CIMIP2C: variants seen among roughly 807,000 people sequenced by gnomAD.
The protein encoded by CIMIP2C is ciliary microtubule inner protein 2C, also known as UPF0573 protein C2orf70.
the CIMIP2C span, among the ~76,000 whole-genome samples, chr2:26,567,434 G>A: frequency 3.3e-5 from 5 of 152,228 alleles, no homozygotes; most frequent in East Asian, 9.6e-4. Flanking sequence ...CCCCAACCCT[G>A]CAGAACTATT....
the CIMIP2C span, among the ~76,000 whole-genome samples, chr2:26,576,421 C>T: frequency 3.3e-5 from 5 of 152,214 alleles, no homozygotes; most frequent in East Asian, 9.6e-4. Flanking sequence ...AACTCCTGCT[C>T]ACTCCCACTG....
At chr2:26,576,233 G>A in the CIMIP2C span, 1 of 1,559,502 alleles carries the variant, frequency 6.4e-7, no homozygotes, top group Non-Finnish European at 8.7e-7. Flanking sequence ...CCCCACCACG[G>A]GAAGGGAGTG....
At chr2:26,571,371 C>T in the CIMIP2C span, among the ~76,000 whole-genome samples, 1 of 152,202 alleles carries the variant, frequency 6.6e-6, no homozygotes, top group African/African-American at 2.4e-5. Context: ...GGCCTTCCCT[C>T]CTTGTGGTTG....
chr2:26,567,737 G>T, the CIMIP2C span, among the ~76,000 whole-genome samples: 1 of 152,214 alleles, frequency 6.6e-6, no homozygotes, highest in African/African-American at 2.4e-5. Flanking sequence ...GGGACCCTTT[G>T]TGCCCATTCG....
At chr2:26,576,015 C>T in the CIMIP2C span, 8 of 1,614,092 alleles carry the variant, frequency 5.0e-6, no homozygotes, top group East Asian at 1.3e-4. Flanking sequence ...AGCCACACTC[C>T]CTTCAGCCAA....
the CIMIP2C span, among the ~76,000 whole-genome samples, chr2:26,574,813 T>A: frequency 6.6e-6 from 1 of 152,212 alleles, no homozygotes. Context: ...CCTGTGCTAC[T>A]GGAAGGCCCA....
chr2:26,564,302 G>A, the CIMIP2C span, among the ~76,000 whole-genome samples: 4 of 152,188 alleles, frequency 2.6e-5, no homozygotes, highest in African/African-American at 9.7e-5. Context: ...GGCAAGGCCT[G>A]GTGCTCCTGC....
the CIMIP2C span, among the ~76,000 whole-genome samples, chr2:26,568,168 T>C: frequency 6.6e-6 from 1 of 152,158 alleles, no homozygotes; most frequent in Non-Finnish European, 1.5e-5. Flanking sequence ...AGAAAGTAAA[T>C]TCTACAGTCC....
the CIMIP2C span, chr2:26,578,532 A>G: frequency 1.9e-5 from 5 of 261,238 alleles, no homozygotes; most frequent in East Asian, 5.1e-4. Flanking sequence ...CGCCTGGGGA[A>G]CTTGTGCTGC....
chr2:26,564,232 C>G, the CIMIP2C span, among the ~76,000 whole-genome samples: 1 of 152,148 alleles, frequency 6.6e-6, no homozygotes, highest in Non-Finnish European at 1.5e-5. Context: ...CTTAAGCCTC[C>G]CACAGTCTCC....
the CIMIP2C span, among the ~76,000 whole-genome samples, chr2:26,567,746 C>A: frequency 6.6e-6 from 1 of 152,208 alleles, no homozygotes; most frequent in Non-Finnish European, 1.5e-5. Context: ...TGTGCCCATT[C>A]GTTAGTATTA....
chr2:26,573,609 G>A, the CIMIP2C span, among the ~76,000 whole-genome samples: 10,337 of 152,294 alleles, frequency 0.068, 435 homozygotes, highest in Middle Eastern at 0.11. Context: ...AGAGAGCAAG[G>A]CACCCACCAA....
chr2:26,575,925 T>C, the CIMIP2C span: 1 of 1,613,308 alleles, frequency 6.2e-7, no homozygotes, highest in African/African-American at 1.3e-5. Flanking sequence ...GTCCCCACTG[T>C]GGCCTTCTCC....
At chr2:26,577,569 A>G in the CIMIP2C span, 2,668 of 1,614,146 alleles carry the variant, frequency 1.7e-3, 42 homozygotes, top group African/African-American at 0.032. Flanking sequence ...CAGTGCCTCG[A>G]GTCCCCTACT....
chr2:26,574,720 G>T, the CIMIP2C span, among the ~76,000 whole-genome samples: 1 of 152,224 alleles, frequency 6.6e-6, no homozygotes, highest in African/African-American at 2.4e-5. Flanking sequence ...TGTGGTCAGA[G>T]ATGTTGGCAA....
chr2:26,578,501 G>A, the CIMIP2C span: 1 of 250,518 alleles, frequency 4.0e-6, no homozygotes, highest in Admixed American at 4.9e-5. Flanking sequence ...TTACAAAAAA[G>A]GGAACGTGAG....
At chr2:26,562,603 C>G in the CIMIP2C span, 2 of 1,570,898 alleles carry the variant, frequency 1.3e-6, no homozygotes, top group Non-Finnish European at 1.7e-6. Flanking sequence ...GCTGTACTCG[C>G]GCACCCACCA....
the CIMIP2C span, among the ~76,000 whole-genome samples, chr2:26,570,863 C>T: frequency 5.9e-5 from 9 of 151,924 alleles, no homozygotes; most frequent in South Asian, 1.2e-3. Flanking sequence ...GAGGGAGGCT[C>T]GCAGCAGTGG....
chr2:26,576,257 A>G, the CIMIP2C span: 1 of 1,487,416 alleles, frequency 6.7e-7, no homozygotes. Flanking sequence ...GCCAGGGGCC[A>G]GGGGGAGACC....
Sources: allele counts gnomAD v4.1 joint callset (sites outside exome capture counted in the v4.1 genomes callset), GRCh38; gene constraint gnomAD v4.1.1; transcripts MANE v1.5; gene names NCBI Gene and HGNC (gene_info 2026-07-23, HGNC 2026-07-21).